SIL1: variants seen among roughly 807,000 people sequenced by gnomAD.
SIL1 encodes nucleotide exchange factor SIL1.
SIL1 carries 40 observed loss-of-function variants against 49.1 expected under a neutral mutation model. That is an observed-to-expected ratio of 0.81 (90% CI 0.63 to 1.06). SIL1 has a LOEUF of 1.06. Ranked by LOEUF, SIL1 falls within the 50% of genes least tolerant of loss-of-function variation. The pLI is 0.00. For missense variants in SIL1, 500 were observed against 572.6 expected, an observed-to-expected ratio of 0.87 and a Z score of 1.29; for synonymous variants, 253 against 250.8, an observed-to-expected ratio of 1.01 and a Z score of -0.08.
chr5:139,165,240 A>G (rs1233019990), intron 1 of SIL1, among the ~76,000 whole-genome samples: 2 of 152,208 alleles, frequency 1.3e-5, no homozygotes, highest in African/African-American at 4.8e-5. Flanking sequence ...TTGATCCCAG[A>G]TCTTCAGATA....
At chr5:139,005,418 T>A (rs1768091708) in intron 7 of SIL1, among the ~76,000 whole-genome samples, 1 of 151,268 alleles carries the variant, frequency 6.6e-6, no homozygotes. Flanking sequence ...TATAATTTTT[T>A]AAATTTTTAT....
At chr5:139,163,350 T>C (rs533548604) in intron 1 of SIL1, among the ~76,000 whole-genome samples, 1 of 152,176 alleles carries the variant, frequency 6.6e-6, no homozygotes, top group South Asian at 2.1e-4. Flanking sequence ...AAAGAAATGC[T>C]TCACTGTTTT....
intron 7 of SIL1, among the ~76,000 whole-genome samples, chr5:138,965,117 G>A (rs1248715428): frequency 1.3e-5 from 2 of 152,180 alleles, no homozygotes; most frequent in Non-Finnish European, 2.9e-5. Context: ...TGGGGAGGTG[G>A]GGAAGCAACA....
intron 7 of SIL1, chr5:139,013,717 A>T (rs1012278423): frequency 6.6e-6 from 1 of 152,204 alleles, no homozygotes; most frequent in East Asian, 1.9e-4. Context: ...CAGGTATTTG[A>T]ACTAAGAGAG....
At position 139,163,380 on chromosome 5, in the gene SIL1, C is replaced by G. The variant is rs1289468961; in HGVS notation, c.-11+34889G>C. On this transcript the variant is annotated intron_variant, in intron 1 of 9. Transcript: ENST00000394817. ...TGTTTTGTTTTTTTTTCGGTTTTTTCTTTTGTGGAGACAAGGTATCGCTCT... is the reference window on the plus strand; with the variant it reads ...TGTTTTGTTTTTTTTTCGGTTTTTTGTTTTGTGGAGACAAGGTATCGCTCT... Among the ~76,000 whole-genome samples the G allele has an allele frequency of 2.7e-5, 4 of 149,750 alleles. No individual in the cohort carries two copies. The Middle Eastern group carries it at 0.014, about 513-fold the overall frequency.
rs1283615565 is a variant in SIL1, at chr5:138,947,900, T to C, written c.1030-427A>G. On this transcript the variant is annotated intron_variant, in intron 9 of 9. Transcript: ENST00000394817. This position sits in a 1 kb window ranked among gnomAD's most constrained non-coding sequence, Gnocchi z 4.1. ...AGACTCATCGTCATCACCTCCTAAG[T>C]GGAGAAACTCAGCCTGTCTGTAAAG... Among the ~76,000 whole-genome samples the C allele has an allele frequency of 6.6e-6, 1 of 152,126 alleles. No homozygotes were observed. Among genetic ancestry groups the C allele is most frequent in the Non-Finnish European group, 1.5e-5 (1 of 68,022 alleles).
intron 1 of SIL1, among the ~76,000 whole-genome samples, chr5:139,160,966 G>A (rs1245193148): frequency 6.6e-6 from 1 of 151,932 alleles, no homozygotes. Context: ...ATAACAGGCT[G>A]GGCGCGGTGG....
chr5:139,122,490 G>A (rs1041501705), intron 2 of SIL1, among the ~76,000 whole-genome samples: 2 of 151,998 alleles, frequency 1.3e-5, no homozygotes, highest in Non-Finnish European at 1.5e-5. Context: ...AGCTACTTGG[G>A]CGGCTGAGGC....
intron 6 of SIL1, among the ~76,000 whole-genome samples, chr5:139,023,290 G>T (rs1055985693): frequency 6.6e-6 from 1 of 152,108 alleles, no homozygotes; most frequent in Non-Finnish European, 1.5e-5. Context: ...TCCCCATCTC[G>T]GTCTGGGGCC....
intron 7 of SIL1, among the ~76,000 whole-genome samples, chr5:138,960,553 G>A (rs959272325): frequency 6.6e-6 from 1 of 151,426 alleles, no homozygotes; most frequent in Non-Finnish European, 1.5e-5. Context: ...AGCCTACCAC[G>A]TAGCTGGGAC....
At chr5:138,960,225 T>C (rs1766988553) in intron 7 of SIL1, among the ~76,000 whole-genome samples, 1 of 152,188 alleles carries the variant, frequency 6.6e-6, no homozygotes, top group African/African-American at 2.4e-5. Flanking sequence ...TGGTTATCTC[T>C]TCCTGATCCG....
At chr5:139,081,705 C>T (rs760663822) in intron 3 of SIL1, among the ~76,000 whole-genome samples, 3 of 151,708 alleles carry the variant, frequency 2.0e-5, no homozygotes, top group African/African-American at 4.8e-5. Flanking sequence ...ATGGTGAAAC[C>T]CCATCTCTAC....
intron 1 of SIL1, among the ~76,000 whole-genome samples, chr5:139,130,226 G>A (rs1750834582): frequency 6.6e-6 from 1 of 152,150 alleles, no homozygotes; most frequent in African/African-American, 2.4e-5. Context: ...TGAGACCTCA[G>A]TGAGCTATGA....
intron 3 of SIL1, among the ~76,000 whole-genome samples, chr5:139,062,379 G>A (rs1246586741): frequency 6.6e-6 from 1 of 152,124 alleles, no homozygotes; most frequent in African/African-American, 2.4e-5. Context: ...CTGAATCACA[G>A]AGAATCTAGA....
At position 139,161,890 on chromosome 5, in the gene SIL1, G is replaced by A. The variant is rs183922362; in HGVS notation, c.-10-34037C>T. ...TAGCTGGGCATGGTAGCACGCTCCCGTAGTCCCCACTACTTGGGAGGCTGA... is the reference window on the plus strand; with the variant it reads ...TAGCTGGGCATGGTAGCACGCTCCCATAGTCCCCACTACTTGGGAGGCTGA... On this transcript the variant is annotated intron_variant, in intron 1 of 9. Coordinates refer to ENST00000394817, the MANE Select transcript of SIL1 (RefSeq NM_022464.5). 4.9e-4 allele frequency among the ~76,000 whole-genome samples: 74 copies of A among 152,058 alleles called. 1 individual carries two copies. Among genetic ancestry groups the A allele is most frequent in the Middle Eastern group, 6.8e-3 (2 of 294 alleles).
chr5:139,161,644 A>C (rs1490282271), intron 1 of SIL1, among the ~76,000 whole-genome samples: 1 of 152,200 alleles, frequency 6.6e-6, no homozygotes, highest in African/African-American at 2.4e-5. Flanking sequence ...TTTAGGACTC[A>C]AACGTTTTCA....
intron 3 of SIL1, among the ~76,000 whole-genome samples, chr5:139,081,606 C>T (rs1314389434): frequency 1.3e-5 from 2 of 152,194 alleles, no homozygotes; most frequent in East Asian, 1.9e-4. Flanking sequence ...AGACCAGGCA[C>T]GGTGGCTCAC....
intron 3 of SIL1, among the ~76,000 whole-genome samples, chr5:139,114,307 T>C (rs1467867925): frequency 1.3e-5 from 2 of 152,232 alleles, no homozygotes; most frequent in African/African-American, 4.8e-5. Flanking sequence ...TCAGCCATCC[T>C]GAGAGGCTAG....
At chr5:139,038,056 T>C (rs1254531510) in intron 5 of SIL1, among the ~76,000 whole-genome samples, 2 of 152,142 alleles carry the variant, frequency 1.3e-5, no homozygotes, top group Non-Finnish European at 2.9e-5. Context: ...CTCTTATTCT[T>C]CTAAGGACAT....
Sources: allele counts gnomAD v4.1 joint callset (sites outside exome capture counted in the v4.1 genomes callset), GRCh38; gene constraint gnomAD v4.1.1; non-coding constraint Gnocchi (gnomAD v3.1); transcripts MANE v1.5; gene names NCBI Gene and HGNC (gene_info 2026-07-23, HGNC 2026-07-21).